The following VMP1 variants were observed in gnomAD, a reference collection of about 807,000 sequenced individuals.
VMP1 encodes ectopic P-granules autophagy protein 3 homolog.
In VMP1, 11 loss-of-function variants were observed where a neutral mutation model predicts 56.0. The ratio of observed to expected loss-of-function variants is 0.20; its 90% CI spans 0.12 to 0.32. The LOEUF is 0.32. Among genes scored for constraint, VMP1 ranks in the 10% least tolerant of loss-of-function variants. VMP1 has a pLI of 1.00. For missense variants in VMP1, 296 were observed against 490.3 expected (o/e 0.60, Z 3.74); for synonymous variants, 149 against 165.0 (o/e 0.90, Z 0.74).
chr17:59,815,855 CAAAAA>C (rs71145576), intron 9 of VMP1, among the ~76,000 whole-genome samples: 3 of 106,400 alleles, frequency 2.8e-5, no homozygotes, highest in Non-Finnish European at 5.5e-5. Flanking sequence ...GACTCCGTCT[CAAAAA>C]AAAAAAAAAA....
intron 10 of VMP1, among the ~76,000 whole-genome samples, chr17:59,832,191 T>TC (rs2038830580): frequency 6.9e-6 from 1 of 144,944 alleles, no homozygotes; most frequent in Non-Finnish European, 1.5e-5. Context: ...ACTTTTTTTT[T>TC]TTTTTTTTTT....
chr17:59,760,694 C>T (rs994704326), intron 5 of VMP1, among the ~76,000 whole-genome samples: 1 of 152,166 alleles, frequency 6.6e-6, no homozygotes, highest in Non-Finnish European at 1.5e-5. Flanking sequence ...AATCTCGGCT[C>T]ACTGCAATCT....
At chr17:59,816,505 A>G (rs1351392259) in intron 9 of VMP1, among the ~76,000 whole-genome samples, 1 of 152,198 alleles carries the variant, frequency 6.6e-6, no homozygotes, top group Non-Finnish European at 1.5e-5. Flanking sequence ...TAGTGAGTGG[A>G]TAAAAAGAAG....
Position 59,808,057 on chromosome 17 carries a change from G to A in VMP1, c.715-739G>A, listed in dbSNP as rs553709377. ...CAAATATTTGTAGCATCAACATGCCGAAAGAACTAGCCAGCCGAATGCATG... is the reference window on the plus strand; with the variant it reads ...CAAATATTTGTAGCATCAACATGCCAAAAGAACTAGCCAGCCGAATGCATG... On this transcript the variant is annotated intron_variant, in intron 7 of 11. Transcript: ENST00000262291. Among the ~76,000 whole-genome samples, 8 of 152,248 alleles carry A rather than the reference G, an allele frequency of 5.3e-5. 1 individual carries two copies. Among genetic ancestry groups the A allele is most frequent in the East Asian group, 3.9e-4 (2 of 5,192 alleles).
chr17:59,729,490 A>C (rs2034737338), intron 1 of VMP1, among the ~76,000 whole-genome samples: 1 of 151,746 alleles, frequency 6.6e-6, no homozygotes, highest in Non-Finnish European at 1.5e-5. Flanking sequence ...AAAAAAAAAA[A>C]AAAAAAACCT....
chr17:59,743,355 G>T (rs1461336167), intron 5 of VMP1, among the ~76,000 whole-genome samples: 1 of 151,996 alleles, frequency 6.6e-6, no homozygotes, highest in Non-Finnish European at 1.5e-5. Context: ...GAATTATAGG[G>T]TATGATCCTT....
intron 5 of VMP1, among the ~76,000 whole-genome samples, chr17:59,755,399 C>T (rs1041076192): frequency 6.6e-6 from 1 of 152,042 alleles, no homozygotes; most frequent in Non-Finnish European, 1.5e-5. Context: ...CGTGAGCCAC[C>T]ACACCTGGCC....
At chr17:59,788,846 T>G (rs2037106978) in intron 7 of VMP1, among the ~76,000 whole-genome samples, 1 of 151,490 alleles carries the variant, frequency 6.6e-6, no homozygotes, top group South Asian at 2.1e-4. Flanking sequence ...TTTTGTGTTA[T>G]GTCTGCTTGT....
intron 5 of VMP1, among the ~76,000 whole-genome samples, chr17:59,758,139 G>A (rs1598348935): frequency 6.6e-6 from 1 of 151,926 alleles, no homozygotes; most frequent in Admixed American, 6.6e-5. Flanking sequence ...ACCCTGCCTT[G>A]CCTATTTGCC....
chr17:59,713,638 AG>A (rs1414164103), intron 1 of VMP1, among the ~76,000 whole-genome samples: 1 of 149,666 alleles, frequency 6.7e-6, no homozygotes, highest in African/African-American at 2.5e-5. Flanking sequence ...GCTTGAGTCC[AG>A]GAGTTCGAGA....
At chr17:59,773,707 C>G (rs376974596) in intron 6 of VMP1, 47 bp from the exon 7 acceptor site, 1 of 1,531,304 alleles carries the variant, frequency 6.5e-7, no homozygotes, top group Non-Finnish European at 8.8e-7. Context: ...TTAAGTGTCA[C>G]TGTTGATAAC....
chr17:59,818,366 C>CA (rs1343413904), intron 10 of VMP1, among the ~76,000 whole-genome samples: 4 of 150,884 alleles, frequency 2.7e-5, no homozygotes, highest in Admixed American at 6.6e-5. Context: ...GACTCTATCT[C>CA]AAAAAAAAGA....
At chr17:59,728,431 C>T (rs763927284) in intron 1 of VMP1, among the ~76,000 whole-genome samples, 2 of 151,178 alleles carry the variant, frequency 1.3e-5, no homozygotes, top group Admixed American at 6.6e-5. Context: ...TAATATAACC[C>T]CCTAACTCAT....
intron 3 of VMP1, among the ~76,000 whole-genome samples, chr17:59,736,352 G>A (rs2035014679): frequency 1.3e-5 from 2 of 149,336 alleles, no homozygotes; most frequent in Non-Finnish European, 3.0e-5. Flanking sequence ...GCAGTGAACC[G>A]AGATCATGCC....
intron 5 of VMP1, among the ~76,000 whole-genome samples, chr17:59,739,489 C>T (rs1568053813): frequency 1.3e-5 from 2 of 151,718 alleles, no homozygotes; most frequent in Admixed American, 6.6e-5. Context: ...CTTTGGGAGG[C>T]CAAGGCGGGC....
chr17:59,806,715 CA>C lies in VMP1; in HGVS notation c.715-2064del, dbSNP rs5821281. Among the ~76,000 whole-genome samples the C allele has an allele frequency of 9.5e-3, 1,143 of 120,748 alleles. 4 individuals carry two copies. Among genetic ancestry groups the C allele is most frequent in the African/African-American group, 0.022 (717 of 32,668 alleles). 79.2% of individuals were successfully genotyped at this position (120,748 alleles called of 152,430 possible). On this transcript the variant is annotated intron_variant, in intron 7 of 11. Coordinates refer to ENST00000262291, the MANE Select transcript of VMP1 (RefSeq NM_030938.5). ...AGGCAACAAGAGTGAAAGTTTGTCT[CA>C]AAAAAAAAAAAAAAAATTAAATCTG...
At chr17:59,752,846 A>G (rs2035702837) in intron 5 of VMP1, among the ~76,000 whole-genome samples, 1 of 152,224 alleles carries the variant, frequency 6.6e-6, no homozygotes, top group Non-Finnish European at 1.5e-5. Context: ...AGCTGTTCTT[A>G]TTTTTAAAAA....
chr17:59,762,674 A>T (rs559877317), intron 5 of VMP1, among the ~76,000 whole-genome samples: 1 of 152,302 alleles, frequency 6.6e-6, no homozygotes, highest in East Asian at 1.9e-4. Flanking sequence ...AAGGCTGAGT[A>T]ATCATGACTT....
rs1365554338 is a variant in VMP1 at position 59,824,229 on chromosome 17, C to T, written c.974+6456C>T. On this transcript the variant is annotated intron_variant, in intron 10 of 11. Transcript: ENST00000262291. ...TCACACCACTGCACTCCAGCCTGGG[C>T]GACACAGCGAGACTCTGTCTCCAAA... Among the ~76,000 whole-genome samples the T allele has an allele frequency of 1.4e-4, 20 of 143,958 alleles. 1 individual carries two copies. Among genetic ancestry groups the T allele is most frequent in the Non-Finnish European group, 2.4e-4 (16 of 66,370 alleles). 94.4% of individuals were successfully genotyped at this position (143,958 alleles called of 152,430 possible). A position where few individuals can be genotyped will look rare whatever the true frequency, so the allele number is the denominator to read the frequency against.
Sources: allele counts gnomAD v4.1 joint callset (sites outside exome capture counted in the v4.1 genomes callset), GRCh38; gene constraint gnomAD v4.1.1; transcripts MANE v1.5; gene names NCBI Gene and HGNC (gene_info 2026-07-23, HGNC 2026-07-21).